Variants in PRRX1 observed in about 807,000 individuals in gnomAD.
PRRX1 encodes paired mesoderm homeobox protein 1.
Under a neutral mutation model 24.0 loss-of-function variants are expected in PRRX1, and 8 were observed. The ratio of observed to expected loss-of-function variants is 0.33; its 90% CI spans 0.20 to 0.60. The LOEUF (loss-of-function observed/expected upper bound fraction) is 0.60. PRRX1 is among the 20% of genes least tolerant of loss of function. The pLI is 0.82. For synonymous variants in PRRX1, 160 were observed against 131.7 expected (o/e 1.22, Z -1.47); for missense variants, 281 against 322.4 (o/e 0.87, Z 0.98).
chr1:170,663,542 G>A (rs1351301804), upstream of PRRX1: 4 of 150,442 alleles, frequency 2.7e-5, no homozygotes, highest in Admixed American at 1.3e-4. Flanking sequence ...TGAGAATCCT[G>A]CTCTCTAATA....
At chr1:170,706,067 C>T (rs577434566) in intron 1 of PRRX1, among the ~76,000 whole-genome samples, 4 of 152,180 alleles carry the variant, frequency 2.6e-5, no homozygotes, top group African/African-American at 9.6e-5. Context: ...TCTTTGGTCT[C>T]TTGTTAAGTA....
At chr1:170,716,400 C>T (rs1238543360) in intron 1 of PRRX1, among the ~76,000 whole-genome samples, 6 of 152,018 alleles carry the variant, frequency 3.9e-5, no homozygotes, top group Admixed American at 1.3e-4. Context: ...CCGGCTAACA[C>T]GGTGAAACCT....
At position 170,736,515 on chromosome 1, in the gene PRRX1, T is replaced by A. The variant is rs2101929957; in HGVS notation, c.*329T>A. 2.8e-6 allele frequency: 1 copy of A among 354,034 alleles called. No homozygotes were observed. The highest frequency in any genetic ancestry group is 4.5e-5 in the Admixed American group (1 of 22,202). The allele number at this position is 354,034 out of a possible 1,614,324, so 21.9% of individuals were successfully genotyped here. A position where few individuals can be genotyped will look rare whatever the true frequency, so the allele number is the denominator to read the frequency against. ...ACCCACCCCCATGATTGTATGAAGT[T>A]TTAAAAAAAACTACAGCAGCCAAAG... On this transcript the variant is annotated 3_prime_UTR_variant, in exon 4 of 4. Transcript: ENST00000239461.
chr1:170,696,360 A>G (rs190556599), intron 1 of PRRX1, among the ~76,000 whole-genome samples: 24 of 152,300 alleles, frequency 1.6e-4, no homozygotes, highest in Admixed American at 1.4e-3. Context: ...TACATTGCCT[A>G]TTCTCTAGTG....
chr1:170,727,468 G>A (rs983786311), intron 3 of PRRX1: 5 of 152,144 alleles, frequency 3.3e-5, no homozygotes, highest in African/African-American at 9.7e-5. Flanking sequence ...TATTGTCAAG[G>A]TTAATTATTG....
chr1:170,693,109 G>A (rs1192682240), intron 1 of PRRX1, among the ~76,000 whole-genome samples: 1 of 152,054 alleles, frequency 6.6e-6, no homozygotes, highest in Non-Finnish European at 1.5e-5. Context: ...AGACTGCAAT[G>A]TGTGCTGTTA....
chr1:170,717,351 A>G (rs1167055896), intron 1 of PRRX1, among the ~76,000 whole-genome samples: 1 of 152,254 alleles, frequency 6.6e-6, no homozygotes, highest in African/African-American at 2.4e-5. Context: ...GAGATTATGT[A>G]GCAGGTTGTA....
chr1:170,668,072 T>G (rs1653012591), intron 1 of PRRX1: 1 of 151,666 alleles, frequency 6.6e-6, no homozygotes, highest in Non-Finnish European at 1.5e-5. Context: ...CACTTTTTAC[T>G]GAGTCTCCCA....
chr1:170,725,761 T>G (rs1655236738), intron 2 of PRRX1, among the ~76,000 whole-genome samples: 1 of 152,232 alleles, frequency 6.6e-6, no homozygotes, highest in Admixed American at 6.5e-5. Context: ...GAACATCTAC[T>G]TTTGGGAGAT....
At chr1:170,708,161 A>C (rs980690348) in intron 1 of PRRX1, among the ~76,000 whole-genome samples, 8 of 152,216 alleles carry the variant, frequency 5.3e-5, no homozygotes, top group African/African-American at 1.9e-4. Flanking sequence ...GCTGGTCACG[A>C]CATGAGTCAC....
intron 1 of PRRX1, among the ~76,000 whole-genome samples, chr1:170,694,957 T>C (rs1654117603): frequency 2.0e-5 from 3 of 152,162 alleles, no homozygotes; most frequent in African/African-American, 4.8e-5. Context: ...ATGTAGTAAG[T>C]TGGAGAAACT....
chr1:170,717,979 T>C (rs1224088089), intron 1 of PRRX1, among the ~76,000 whole-genome samples: 1 of 152,190 alleles, frequency 6.6e-6, no homozygotes, highest in African/African-American at 2.4e-5. Flanking sequence ...TTACTGAGTG[T>C]CACAGAAGTG....
Position 170,736,329 on chromosome 1 carries a change from G to A in PRRX1, c.*143G>A. 1.6e-5 allele frequency: 18 copies of A among 1,157,868 alleles called. 1 individual carries two copies. Among genetic ancestry groups the A allele is most frequent in the Middle Eastern group, 5.6e-4 (2 of 3,584 alleles). The allele number at this position is 1,157,868 out of a possible 1,614,324, so 71.7% of individuals were successfully genotyped here. The stretch of plus-strand genomic sequence containing the variant: ...GCAGAACTAAAATATTGGGACCATG[G>A]CAGAGAAAAGCAGGAGAGGAGCAAA... On this transcript the variant is annotated 3_prime_UTR_variant, in exon 4 of 4. Transcript: ENST00000239461.
At chr1:170,689,829 TCTCTCTCTCC>T (rs1182149496) in intron 1 of PRRX1, among the ~76,000 whole-genome samples, 5,020 of 78,138 alleles carry the variant, frequency 0.064, 178 homozygotes, top group Middle Eastern at 0.1. Context: ...TCTCTCTCTC[TCTCTCTCTCC>T]CTCTCTCTCT....
At chr1:170,724,908 A>T (rs541651966) in intron 2 of PRRX1, among the ~76,000 whole-genome samples, 11 of 152,352 alleles carry the variant, frequency 7.2e-5, no homozygotes, top group African/African-American at 2.6e-4. Flanking sequence ...CTTCCTATCC[A>T]TGAGCATAGA....
At chr1:170,686,319 G>A (rs1319801279) in intron 1 of PRRX1, among the ~76,000 whole-genome samples, 1 of 152,154 alleles carries the variant, frequency 6.6e-6, no homozygotes, top group Non-Finnish European at 1.5e-5. Flanking sequence ...AAGCAGCTCT[G>A]TGCTTCATAA....
At chr1:170,685,668 CT>C (rs753627919) in intron 1 of PRRX1, among the ~76,000 whole-genome samples, 3 of 120,870 alleles carry the variant, frequency 2.5e-5, no homozygotes, top group African/African-American at 6.2e-5. Context: ...TTCTTTCTTT[CT>C]TTTTTTTTAA....
intron 3 of PRRX1, chr1:170,730,712 T>C (rs1214239290): frequency 4.5e-6 from 1 of 220,156 alleles, no homozygotes; most frequent in Admixed American, 5.2e-5. Flanking sequence ...CGAGACTTTG[T>C]AGGTTACAGG....
chr1:170,670,078 C>T (rs77115195), intron 1 of PRRX1, among the ~76,000 whole-genome samples: 11,513 of 152,124 alleles, frequency 0.076, 1,000 homozygotes, highest in African/African-American at 0.21. Flanking sequence ...TAAAAAATTA[C>T]AGGCAATGTT....
Sources: allele counts gnomAD v4.1 joint callset (sites outside exome capture counted in the v4.1 genomes callset), GRCh38; gene constraint gnomAD v4.1.1; transcripts MANE v1.5; gene names NCBI Gene and HGNC (gene_info 2026-07-23, HGNC 2026-07-21).